BRDT: variants seen among roughly 807,000 people sequenced by gnomAD.
BRDT encodes the protein bromodomain testis-specific protein.
In BRDT, 77 loss-of-function variants were observed where a neutral mutation model predicts 113.9. That is an observed-to-expected ratio of 0.68 (90% CI 0.56 to 0.82). The LOEUF is 0.82. Ranked by LOEUF, BRDT falls within the 40% of genes least tolerant of loss-of-function variation. The pLI, the probability that BRDT is intolerant of heterozygous loss-of-function variation, is 0.00. For synonymous variants in BRDT, 358 were observed against 366.5 expected, an observed-to-expected ratio of 0.98 and a Z score of 0.26; for missense variants, 1,027 against 1,105.4, an observed-to-expected ratio of 0.93 and a Z score of 1.01.
At chr1:91,957,486 C>T (rs1235658517) in intron 1 of BRDT, 3 of 108,536 alleles carry the variant, frequency 2.8e-5, no homozygotes. Context: ...GAGCGAGACT[C>T]CATCTCAAAA....
chr1:91,951,790 C>T (rs1681116884), intron 1 of BRDT, among the ~76,000 whole-genome samples: 1 of 151,940 alleles, frequency 6.6e-6, no homozygotes, highest in Non-Finnish European at 1.5e-5. Flanking sequence ...GGTGAGGTGG[C>T]TCAGGCCTGT....
At chr1:92,010,613 T>C (rs1687712600) in intron 18 of BRDT, among the ~76,000 whole-genome samples, 1 of 152,130 alleles carries the variant, frequency 6.6e-6, no homozygotes, top group South Asian at 2.1e-4. Flanking sequence ...TTTAAAATTA[T>C]TTTTTCCCTT....
At chr1:92,001,747 A>G (rs1686869767) in intron 15 of BRDT, among the ~76,000 whole-genome samples, 1 of 151,860 alleles carries the variant, frequency 6.6e-6, no homozygotes, top group Non-Finnish European at 1.5e-5. Context: ...TAAACTGGAG[A>G]GCTGCTATAG....
intron 18 of BRDT, among the ~76,000 whole-genome samples, chr1:92,006,604 T>C (rs1220986837): frequency 3.3e-5 from 5 of 151,762 alleles, no homozygotes; most frequent in South Asian, 2.1e-4. Context: ...GTAGCTGGGA[T>C]TACAGGCGCA....
intron 4 of BRDT, among the ~76,000 whole-genome samples, chr1:91,973,895 G>C (rs1443732475): frequency 1.3e-5 from 2 of 152,142 alleles, no homozygotes; most frequent in Admixed American, 6.6e-5. Context: ...ATACTACAAG[G>C]CTGCAGTAAC....
chr1:91,976,189 A>C, intron 4 of BRDT, 77 bp from the exon 5 acceptor site: 1 of 1,377,298 alleles, frequency 7.3e-7, no homozygotes, highest in Admixed American at 2.7e-5. Flanking sequence ...GAACTAAATG[A>C]AATAGAAAAT....
At chr1:91,968,959 G>A (rs1001531136) in intron 4 of BRDT, among the ~76,000 whole-genome samples, 3 of 148,846 alleles carry the variant, frequency 2.0e-5, no homozygotes, top group Admixed American at 6.7e-5. Context: ...TATTTGAGAC[G>A]GAGTCTTCAC....
chr1:92,004,574 T>G lies in BRDT; in HGVS notation c.2549T>G (p.Leu850Trp), dbSNP rs1469833027. 1 of 1,611,632 alleles carries G rather than the reference T, an allele frequency of 6.2e-7. No individual in the cohort carries two copies. Among genetic ancestry groups the G allele is most frequent in the East Asian group, 2.2e-5 (1 of 44,732 alleles). ...ARTQELIRKH[L>W]EQNTKELKAS... ...ACACAGGAACTCATACGGAAGCATT[T>G]GGAACAAAATACAAAGGAACTAAAA... is the stretch of plus-strand genomic sequence containing the variant. The change falls in exon 17 of 19, where the codon TTG becomes TGG. Residue 850 changes from leucine to tryptophan, a missense_variant. Physicochemically the swap from Leu to Trp is moderately conservative, Grantham distance 61. Transcript: ENST00000399546.
chr1:91,962,202 A>G (rs1682550364), intron 1 of BRDT, among the ~76,000 whole-genome samples: 1 of 140,276 alleles, frequency 7.1e-6, no homozygotes, highest in Non-Finnish European at 1.6e-5. Context: ...ATCCAAGGCT[A>G]AGGCATATAT....
chr1:91,962,249 A>C lies in BRDT; in HGVS notation c.-37-469A>C, dbSNP rs1039843362. 3.7e-5 allele frequency among the ~76,000 whole-genome samples: 5 copies of C among 135,154 alleles called. 1 individual carries two copies. The highest frequency in any genetic ancestry group is 6.4e-5 in the Non-Finnish European group (4 of 62,346). The allele number at this position is 135,154 out of a possible 152,430, so 88.7% of individuals were successfully genotyped here. A position where few individuals can be genotyped will look rare whatever the true frequency, so the allele number is the denominator to read the frequency against. ...TACTATTTGTATATAAAAAATTTGTATTTGTTTAAAAATTGATTCCTTTGC... is the reference window on the plus strand; with the variant it reads ...TACTATTTGTATATAAAAAATTTGTCTTTGTTTAAAAATTGATTCCTTTGC... On this transcript the variant is annotated intron_variant, in intron 1 of 18. Transcript: ENST00000399546.
chr1:91,976,712 C>A (rs891745235), intron 5 of BRDT, among the ~76,000 whole-genome samples: 3 of 152,012 alleles, frequency 2.0e-5, no homozygotes, highest in African/African-American at 7.2e-5. Context: ...ATATAGTTTT[C>A]TTTTAAAAAT....
intron 12 of BRDT, among the ~76,000 whole-genome samples, chr1:91,990,821 A>G (rs1685681740): frequency 6.6e-6 from 1 of 152,142 alleles, no homozygotes; most frequent in South Asian, 2.1e-4. Context: ...TTTTTGAGAC[A>G]GAGTCTCACT....
intron 4 of BRDT, among the ~76,000 whole-genome samples, chr1:91,974,609 G>C (rs1203858209): frequency 6.6e-6 from 1 of 152,080 alleles, no homozygotes; most frequent in Non-Finnish European, 1.5e-5. Flanking sequence ...TTAGAATGGC[G>C]ATCATTAAAA....
chr1:91,965,297 G>A (rs182696651), intron 3 of BRDT, among the ~76,000 whole-genome samples: 1 of 152,102 alleles, frequency 6.6e-6, no homozygotes, highest in Admixed American at 6.6e-5. Flanking sequence ...CAGTCTATTT[G>A]CTATAATATT....
rs974376013 is a variant in BRDT at position 91,994,205 on chromosome 1, T to C, written c.2238T>C (p.His746=). ...CATTTAATTATCAAGAATTAGAACA[T>C]TTACAGACTGTGAAAAACATTTCAC... ...QLAFNYQELE[H]LQTVKNISPL... is the part of the protein sequence containing the mutation. The change falls in exon 15 of 19, where the codon CAT becomes CAC. Residue 746 remains histidine (H), a synonymous_variant. Coordinates refer to ENST00000399546, the MANE Select transcript of BRDT (RefSeq NM_207189.4). 6 of 1,612,746 alleles carry C rather than the reference T, an allele frequency of 3.7e-6. No homozygotes were observed. The highest frequency in any genetic ancestry group is 1.7e-5 in the Admixed American group (1 of 59,756).
chr1:91,974,017 C>T (rs538120242), intron 4 of BRDT, among the ~76,000 whole-genome samples: 111 of 152,170 alleles, frequency 7.3e-4, no homozygotes, highest in Non-Finnish European at 4.4e-4. Context: ...ACAAACCTGA[C>T]AAAAACAAGA....
intron 1 of BRDT, chr1:91,950,708 T>TTTA (rs1553181942): frequency 9.9e-5 from 14 of 141,806 alleles, no homozygotes; most frequent in Admixed American, 5.7e-4. Context: ...TTTTTTTTTT[T>TTTA]AATACAGATA....
At chr1:92,002,253 G>A (rs1185001934) in intron 16 of BRDT, 104 bp downstream of exon 16, 4 of 781,210 alleles carry the variant, frequency 5.1e-6, no homozygotes, top group Non-Finnish European at 8.0e-6. Context: ...TGAAATGTTG[G>A]ATCTCTAAGC....
rs538629779 is a variant in BRDT at position 92,012,789 on chromosome 1, A to T, written c.2776-1417A>T. On this transcript the variant is annotated intron_variant, in intron 18 of 18. Coordinates refer to ENST00000399546, the MANE Select transcript of BRDT (RefSeq NM_207189.4). ...GTTGGGCTTGGTGGTACGCACCTGT[A>T]GCCCCAGCTACTTGGGAGGCTAAGA... is the stretch of plus-strand genomic sequence containing the variant. Among the ~76,000 whole-genome samples, 3 of 152,186 alleles carry T rather than the reference A, an allele frequency of 2.0e-5. No homozygotes were observed. The South Asian group carries it at 6.2e-4, about 32-fold the overall frequency.
Sources: allele counts gnomAD v4.1 joint callset (sites outside exome capture counted in the v4.1 genomes callset), GRCh38; gene constraint gnomAD v4.1.1; transcripts MANE v1.5; gene names NCBI Gene and HGNC (gene_info 2026-07-23, HGNC 2026-07-21).